The following ZDHHC22 variants were observed in gnomAD, a reference collection of about 807,000 sequenced individuals.
The protein encoded by ZDHHC22 is zDHHC palmitoyltransferase 22, also known as palmitoyltransferase ZDHHC22.
Under a neutral mutation model 17.0 loss-of-function variants are expected in ZDHHC22, and 13 were observed. The observed-to-expected ratio is 0.76, with a 90% CI of 0.50 to 1.21. ZDHHC22 has a LOEUF of 1.21. Among genes scored for constraint, ZDHHC22 ranks in the 50% most tolerant of loss-of-function variants. The probability of loss-of-function intolerance (pLI) is 0.00; values close to 1 mark genes in which losing one functional copy is unlikely to be tolerated. For synonymous variants in ZDHHC22, 138 were observed against 154.7 expected (o/e 0.89, Z 0.80); for missense variants, 319 against 342.3 (o/e 0.93, Z 0.54).
intron 2 of ZDHHC22, 69 bp downstream of exon 2, chr14:77,139,144 G>T: frequency 6.7e-7 from 1 of 1,487,900 alleles, no homozygotes; most frequent in Non-Finnish European, 9.0e-7. Flanking sequence ...GTTGGGGTTT[G>T]GGGCCCGGCA....
At chr14:77,138,098 T>C (rs1594831041) in intron 2 of ZDHHC22, among the ~76,000 whole-genome samples, 1 of 151,992 alleles carries the variant, frequency 6.6e-6, no homozygotes, top group Non-Finnish European at 1.5e-5. Flanking sequence ...CTACTGATTG[T>C]GGAAGCTAAG....
chr14:77,133,964 A>T lies in ZDHHC22; in HGVS notation c.527-16T>A. The T allele has an allele frequency of 1.3e-6, 2 of 1,548,936 alleles. No individual in the cohort carries two copies. Among genetic ancestry groups the T allele is most frequent in the Non-Finnish European group, 1.7e-6 (2 of 1,148,012 alleles). ...AGGACAGCTCCTGCAGGGCACGGGG[A>T]GGGGAAACACCAGAGCCGCTTTACA... is the stretch of plus-strand genomic sequence containing the variant. On this transcript the variant is annotated splice_polypyrimidine_tract_variant and intron_variant, in intron 2 of 2. Coordinates refer to ENST00000319374, the MANE Select transcript of ZDHHC22 (RefSeq NM_174976.2).
rs1438357660 is a variant in ZDHHC22 at position 77,132,883 on chromosome 14, A to T, written c.*800T>A. On this transcript the variant is annotated 3_prime_UTR_variant, in exon 3 of 3. Transcript: ENST00000319374. Reference sequence around the variant, plus strand: ...ATACAGTCGAATATCCCCTTCATTTATCAGTAATTATCTTTCCCTGTCCCT... The same window carrying T: ...ATACAGTCGAATATCCCCTTCATTTTTCAGTAATTATCTTTCCCTGTCCCT... 1 of 148,956 alleles carries T rather than the reference A, an allele frequency of 6.7e-6. No homozygotes were observed. Among genetic ancestry groups the T allele is most frequent in the Non-Finnish European group, 1.5e-5 (1 of 67,612 alleles). The allele number at this position is 148,956 out of a possible 1,614,324, so 9.2% of individuals were successfully genotyped here.
intron 2 of ZDHHC22, among the ~76,000 whole-genome samples, chr14:77,137,171 A>G (rs565987834): frequency 6.6e-6 from 1 of 152,190 alleles, no homozygotes; most frequent in East Asian, 1.9e-4. Flanking sequence ...AGGGAAAGAA[A>G]GGAAGGTCCT....
Position 77,133,491 on chromosome 14 carries a change from TG to T in ZDHHC22, c.*191del. On this transcript the variant is annotated 3_prime_UTR_variant, in exon 3 of 3. Coordinates refer to ENST00000319374, the MANE Select transcript of ZDHHC22 (RefSeq NM_174976.2). ...GGCTCGTGAGGAGCCTAGAAATGCC[TG>T]GGGGGACATTTTTCCTCCTTGTCAT... is the stretch of plus-strand genomic sequence containing the variant. The T allele has an allele frequency of 3.8e-6, 3 of 779,846 alleles. No individual in the cohort carries two copies. Among genetic ancestry groups the T allele is most frequent in the Admixed American group, 3.4e-5 (1 of 29,022 alleles). 48.3% of individuals were successfully genotyped at this position (779,846 alleles called of 1,614,324 possible). A position where few individuals can be genotyped will look rare whatever the true frequency, so the allele number is the denominator to read the frequency against.
intron 1 of ZDHHC22, 65 bp from the exon 2 acceptor site, chr14:77,139,817 T>C (rs1262360527): frequency 2.8e-6 from 4 of 1,424,724 alleles, no homozygotes; most frequent in Non-Finnish European, 2.8e-6. Context: ...CCTCGCCCGC[T>C]CCTCCGTGCC....
At position 77,135,190 on chromosome 14, in the gene ZDHHC22, TGG is replaced by T. The variant is rs11350828; in HGVS notation, c.527-1244_527-1243del. ...AGGGCAACCCTATCACCTCCTCTGG[TGG>T]GGGGGGGGCACCTCCTCTAAGGACT... On this transcript the variant is annotated intron_variant, in intron 2 of 2. Transcript: ENST00000319374. Among the ~76,000 whole-genome samples, 553 of 143,862 alleles carry T rather than the reference TGG, an allele frequency of 3.8e-3. 3 individuals are homozygous for T. The highest frequency in any genetic ancestry group is 5.7e-3 in the Non-Finnish European group (380 of 66,126). 94.4% of individuals were successfully genotyped at this position (143,862 alleles called of 152,430 possible).
At chr14:77,138,283 G>C (rs938579539) in intron 2 of ZDHHC22, among the ~76,000 whole-genome samples, 1 of 151,670 alleles carries the variant, frequency 6.6e-6, no homozygotes, top group Non-Finnish European at 1.5e-5. Flanking sequence ...TCAGCCAGGC[G>C]CAGTGGCTCA....
Position 77,134,023 on chromosome 14 carries a change from G to A in ZDHHC22, c.527-75C>T, listed in dbSNP as rs1887088317. The A allele has an allele frequency of 6.2e-6, 9 of 1,460,330 alleles. No homozygotes were observed. In the South Asian group the frequency reaches 1.3e-4, roughly 21 times the overall value. The allele number at this position is 1,460,330 out of a possible 1,614,324, so 90.5% of individuals were successfully genotyped here. On this transcript the variant is annotated intron_variant, in intron 2 of 2. Coordinates refer to ENST00000319374, the MANE Select transcript of ZDHHC22 (RefSeq NM_174976.2). Reference sequence around the variant, plus strand: ...ACCGGCATAACTGCGATCTAGGCAGGCTTTCCACCGGGAGGGAGGGAGATT... The same window carrying A: ...ACCGGCATAACTGCGATCTAGGCAGACTTTCCACCGGGAGGGAGGGAGATT...
chr14:77,141,441 T>A (rs953444216), intron 1 of ZDHHC22, 162 bp downstream of exon 1: 9 of 152,774 alleles, frequency 5.9e-5, no homozygotes, highest in Non-Finnish European at 1.2e-4. Context: ...GGCGCCCGCC[T>A]CGCCCGCGGC....
At chr14:77,141,546 C>CCCGCGCCGCCGCCG (rs1594832645) in intron 1 of ZDHHC22, 57 bp downstream of exon 1, 1 of 154,820 alleles carries the variant, frequency 6.5e-6, no homozygotes, top group African/African-American at 2.4e-5. Flanking sequence ...GAAGCCGCCC[C>CCCGCGCCGCCGCCG]CCGCGCCGCC....
Position 77,135,216 on chromosome 14 carries a change from C to G in ZDHHC22, c.527-1268G>C, listed in dbSNP as rs1887113557. 4.0e-5 allele frequency among the ~76,000 whole-genome samples: 6 copies of G among 148,740 alleles called. No individual in the cohort carries two copies. The South Asian group carries it at 1.3e-3, about 32-fold the overall frequency. On this transcript the variant is annotated intron_variant, in intron 2 of 2. Transcript: ENST00000319374. ...GGGGGGGGGGCACCTCCTCTAAGGA[C>G]TCCACCTTACAACCTATTCTGCCCT...
chr14:77,135,337 G>A (rs1887116254), intron 2 of ZDHHC22, among the ~76,000 whole-genome samples: 1 of 152,118 alleles, frequency 6.6e-6, no homozygotes. Flanking sequence ...CCAAAGCCCT[G>A]TCAACTGGGC....
intron 2 of ZDHHC22, among the ~76,000 whole-genome samples, chr14:77,138,408 A>G (rs1019789551): frequency 1.3e-5 from 2 of 152,158 alleles, no homozygotes; most frequent in Non-Finnish European, 2.9e-5. Context: ...AAATACAAAA[A>G]TTAGTGTGGC....
At position 77,131,760 on chromosome 14, in the gene ZDHHC22, C is replaced by A. The variant is rs558748598; in HGVS notation, c.*1923G>T. The A allele has an allele frequency of 6.6e-6, 1 of 152,296 alleles. No homozygotes were observed. The highest frequency in any genetic ancestry group is 2.1e-4 in the South Asian group (1 of 4,828). The allele number at this position is 152,296 out of a possible 1,614,324, so 9.4% of individuals were successfully genotyped here. ...TGAATCAGTGCACAGACGGCAGTGA[C>A]AAGGTGCCCCTGATGGCATGAATCT... On this transcript the variant is annotated 3_prime_UTR_variant, in exon 3 of 3. Coordinates refer to ENST00000319374, the MANE Select transcript of ZDHHC22 (RefSeq NM_174976.2).
chr14:77,133,672 G>A lies in ZDHHC22; in HGVS notation c.*11C>T, dbSNP rs746638897. ...AGACAGAGACAGAGAGATAAATGAC[G>A]GGAGTGTCTACTACTTATCCTGCTG... On this transcript the variant is annotated 3_prime_UTR_variant, in exon 3 of 3. Transcript: ENST00000319374. The A allele has an allele frequency of 5.6e-6, 9 of 1,606,894 alleles. No individual in the cohort carries two copies. The highest frequency in any genetic ancestry group is 4.3e-6 in the Non-Finnish European group (5 of 1,176,100).
At chr14:77,134,068 T>A in intron 2 of ZDHHC22, 120 bp from the exon 3 acceptor site, 3 of 1,256,078 alleles carry the variant, frequency 2.4e-6, no homozygotes, top group Non-Finnish European at 3.2e-6. Flanking sequence ...GACGCTACAT[T>A]TTGTAGCAAC....
intron 2 of ZDHHC22, 85 bp from the exon 3 acceptor site, chr14:77,134,033 G>A (rs536854124): frequency 7.1e-7 from 1 of 1,414,954 alleles, no homozygotes; most frequent in Non-Finnish European, 9.4e-7. Context: ...GCTTTCCACC[G>A]GGAGGGAGGG....
Position 77,139,295 on chromosome 14 carries a change from G to C in ZDHHC22, c.444C>G (p.Ile148Met), listed in dbSNP as rs760421608. ...LYSMVAGVAY[I>M]SAVLSISFAH... is the part of the protein sequence containing the mutation. ...CGAAGGAGATGGAAAGGACAGCGGA[G>C]ATGTAGGCCACGCCGGCCACCATGG... is the stretch of plus-strand genomic sequence containing the variant. The change falls in exon 2 of 3, where the codon ATC becomes ATG. Residue 148 changes from isoleucine (I) to methionine (M), a missense_variant. Coordinates refer to ENST00000319374, the MANE Select transcript of ZDHHC22 (RefSeq NM_174976.2). 2 of 1,599,048 alleles carry C rather than the reference G, an allele frequency of 1.3e-6. No individual in the cohort carries two copies. Among genetic ancestry groups the C allele is most frequent in the African/African-American group, 2.7e-5 (2 of 74,748 alleles).
Sources: gnomAD v4.1 joint callset for allele counts (sites outside exome capture counted in the v4.1 genomes callset) on GRCh38, gnomAD v4.1.1 for gene constraint, MANE v1.5 for transcripts, NCBI Gene and HGNC (gene_info 2026-07-23, HGNC 2026-07-21) for gene names.